The following FXYD2 variants were observed in gnomAD, a reference collection of about 807,000 sequenced individuals.
FXYD2 encodes FXYD domain containing ion transport regulator 2.
Under a neutral mutation model 11.8 loss-of-function variants are expected in FXYD2, and 8 were observed. The observed-to-expected ratio is 0.68, with a 90% CI of 0.40 to 1.22. FXYD2 has a LOEUF of 1.22. FXYD2 is among the 50% of genes most tolerant of loss of function. The pLI is 0.01. For synonymous variants in FXYD2, 42 were observed against 33.3 expected (o/e 1.26, Z -0.90); for missense variants, 92 against 91.8 (o/e 1.00, Z -0.01).
upstream of FXYD2, among the ~76,000 whole-genome samples, chr11:117,825,939 C>G (rs1433772691): frequency 6.6e-6 from 1 of 152,164 alleles, no homozygotes; most frequent in Non-Finnish European, 1.5e-5. Flanking sequence ...CACTTGAGTT[C>G]ACACCCTGGC....
rs869789 is a variant in FXYD2, at chr11:117,820,671, G to C, written c.*1C>G. 5 of 1,613,798 alleles carry C rather than the reference G, an allele frequency of 3.1e-6. No homozygotes were observed. Among genetic ancestry groups the C allele is most frequent in the Non-Finnish European group, 4.2e-6 (5 of 1,179,950 alleles). On this transcript the variant is annotated 3_prime_UTR_variant, in exon 5 of 6. Coordinates refer to ENST00000292079, the MANE Select transcript of FXYD2 (RefSeq NM_001680.5). ...CCCAGGCCCTCCTAGCATACCTGCT[G>C]TTACGGCTCATCTTCATTGATTTGC... is the stretch of plus-strand genomic sequence containing the variant.
chr11:117,827,572 C>T (rs983933328), upstream of FXYD2, among the ~76,000 whole-genome samples: 3 of 152,186 alleles, frequency 2.0e-5, no homozygotes, highest in African/African-American at 7.2e-5. Flanking sequence ...TTAGTCATCA[C>T]AATGAGTTTT....
upstream of FXYD2, among the ~76,000 whole-genome samples, chr11:117,826,457 G>C (rs542019954): frequency 2.0e-5 from 3 of 152,300 alleles, 1 homozygote; most frequent in African/African-American, 7.2e-5. Flanking sequence ...CTGCTCATTT[G>C]CTTTCCACAA....
At chr11:117,820,785 A>G in intron 4 of FXYD2, 74 bp downstream of exon 4, 1 of 1,613,624 alleles carries the variant, frequency 6.2e-7, no homozygotes, top group East Asian at 2.2e-5. Flanking sequence ...CCACTGTGTC[A>G]GAGACAAAAT....
upstream of FXYD2, among the ~76,000 whole-genome samples, chr11:117,826,037 C>G (rs774703911): frequency 6.6e-6 from 1 of 152,178 alleles, no homozygotes; most frequent in Non-Finnish European, 1.5e-5. Flanking sequence ...GCGCAGTACC[C>G]AGCTCCTAGG....
At position 117,822,927 on chromosome 11, in the gene FXYD2, C is replaced by T. The variant is rs1006445179; in HGVS notation, c.26-210G>A. On this transcript the variant is annotated intron_variant, in intron 1 of 5. Coordinates refer to ENST00000292079, the MANE Select transcript of FXYD2 (RefSeq NM_001680.5). The surrounding 1 kb of genome is among the most constrained non-coding windows in gnomAD (Gnocchi z 4.7). ...ACACGCTCAACTGGGGACCAAATAC[C>T]GAGTGTCCGAGGGGGATCCGTGCTG... 3.9e-5 allele frequency among the ~76,000 whole-genome samples: 6 copies of T among 152,092 alleles called. No homozygotes were observed. The highest frequency in any genetic ancestry group is 1.2e-4 in the African/African-American group (5 of 41,424).
upstream of FXYD2, chr11:117,828,082 TG>T (rs1370939684): frequency 6.5e-7 from 1 of 1,548,954 alleles, no homozygotes; most frequent in Non-Finnish European, 8.7e-7. Context: ...GGGGCCTGGA[TG>T]GAGAGTGGCA....
upstream of FXYD2, chr11:117,824,851 GC>G (rs1163141821): frequency 1.2e-6 from 1 of 814,930 alleles, no homozygotes; most frequent in Non-Finnish European, 2.0e-6. This position sits in a 1 kb window ranked among gnomAD's most constrained non-coding sequence, Gnocchi z 4.0. Flanking sequence ...GGATGGAGGG[GC>G]TCCTTCTGCA....
chr11:117,820,693 T>C lies in FXYD2; in HGVS notation c.180A>G (p.Gln60=). Residue 60 remains glutamine (Q), a synonymous_variant, in exon 5 of 6, where the codon CAA becomes CAG. Transcript: ENST00000292079. ...FRCGGNKKRR[Q]INEDEP is the part of the protein sequence containing the mutation. ...GCTGTTACGGCTCATCTTCATTGAT[T>C]TGCCTGGTGGGGGAAGGAAAAGCAA... 6.2e-7 allele frequency: 1 copy of C among 1,614,048 alleles called. No homozygotes were observed. The highest frequency in any genetic ancestry group is 1.1e-5 in the South Asian group (1 of 91,080).
chr11:117,824,449 C>G lies in FXYD2; in HGVS notation c.25+205G>C. 1.6e-6 allele frequency: 1 copy of G among 637,214 alleles called. No individual in the cohort carries two copies. Among genetic ancestry groups the G allele is most frequent in the Non-Finnish European group, 2.8e-6 (1 of 351,268 alleles). The allele number at this position is 637,214 out of a possible 1,614,324, so 39.5% of individuals were successfully genotyped here. A position where few individuals can be genotyped will look rare whatever the true frequency, so the allele number is the denominator to read the frequency against. ...ATCTGCTGCCTTTCTGCCACTCAAGCTATCTTTCTTTGGGGTTAAAGCAGG... is the reference window on the plus strand; with the variant it reads ...ATCTGCTGCCTTTCTGCCACTCAAGGTATCTTTCTTTGGGGTTAAAGCAGG... On this transcript the variant is annotated intron_variant, in intron 1 of 5. Coordinates refer to ENST00000292079, the MANE Select transcript of FXYD2 (RefSeq NM_001680.5). This position sits in a 1 kb window ranked among gnomAD's most constrained non-coding sequence, Gnocchi z 4.0.
chr11:117,823,893 G>C (rs924522355), intron 1 of FXYD2, among the ~76,000 whole-genome samples: 8 of 152,366 alleles, frequency 5.3e-5, no homozygotes, highest in African/African-American at 1.9e-4. Context: ...TGCCCATCCT[G>C]ACGGGCCTGA....
rs377266813 is a variant in FXYD2, at chr11:117,822,755, G to A, written c.26-38C>T. 4.0e-5 allele frequency: 64 copies of A among 1,598,796 alleles called. No homozygotes were observed. Among genetic ancestry groups the A allele is most frequent in the Middle Eastern group, 3.4e-4 (2 of 5,928 alleles). The stretch of plus-strand genomic sequence containing the variant: ...CAGAGGTGGGATGAGAGGAGTCACC[G>A]ATGGTGAGCCAGCCACAGGAACAGC... On this transcript the variant is annotated intron_variant, in intron 1 of 5. Coordinates refer to ENST00000292079, the MANE Select transcript of FXYD2 (RefSeq NM_001680.5). The surrounding 1 kb of genome is among the most constrained non-coding windows in gnomAD (Gnocchi z 4.7).
Position 117,822,154 on chromosome 11 carries a change from C to A in FXYD2, c.139+252G>T. Reference sequence around the variant, plus strand: ...TGGCCCTCCGGTTACCCAGTTACCCCGTGGGTTTGCTCTCACTTCTGCGGC... The same window carrying A: ...TGGCCCTCCGGTTACCCAGTTACCCAGTGGGTTTGCTCTCACTTCTGCGGC... On this transcript the variant is annotated intron_variant, in intron 3 of 5. Coordinates refer to ENST00000292079, the MANE Select transcript of FXYD2 (RefSeq NM_001680.5). This position sits in a 1 kb window ranked among gnomAD's most constrained non-coding sequence, Gnocchi z 4.7. The A allele has an allele frequency of 7.1e-7, 1 of 1,408,676 alleles. No homozygotes were observed. Among genetic ancestry groups the A allele is most frequent in the African/African-American group, 1.4e-5 (1 of 69,414 alleles). 87.3% of individuals were successfully genotyped at this position (1,408,676 alleles called of 1,614,324 possible).
Position 117,822,153 on chromosome 11 carries a change from C to G in FXYD2, c.139+253G>C. 1 of 1,408,240 alleles carries G rather than the reference C, an allele frequency of 7.1e-7. No homozygotes were observed. Among genetic ancestry groups the G allele is most frequent in the South Asian group, 1.5e-5 (1 of 67,128 alleles). The allele number at this position is 1,408,240 out of a possible 1,614,324, so 87.2% of individuals were successfully genotyped here. The stretch of plus-strand genomic sequence containing the variant: ...CTGGCCCTCCGGTTACCCAGTTACC[C>G]CGTGGGTTTGCTCTCACTTCTGCGG... On this transcript the variant is annotated intron_variant, in intron 3 of 5. Transcript: ENST00000292079. This position sits in a 1 kb window ranked among gnomAD's most constrained non-coding sequence, Gnocchi z 4.7.
At position 117,824,583 on chromosome 11, in the gene FXYD2, C is replaced by A; in HGVS notation, c.25+71G>T. The A allele has an allele frequency of 7.9e-7, 1 of 1,265,294 alleles. No individual in the cohort carries two copies. Among genetic ancestry groups the A allele is most frequent in the Non-Finnish European group, 1.2e-6 (1 of 863,660 alleles). The allele number at this position is 1,265,294 out of a possible 1,614,324, so 78.4% of individuals were successfully genotyped here. On this transcript the variant is annotated intron_variant, in intron 1 of 5. Coordinates refer to ENST00000292079, the MANE Select transcript of FXYD2 (RefSeq NM_001680.5). This position sits in a 1 kb window ranked among gnomAD's most constrained non-coding sequence, Gnocchi z 4.0. ...AGAGGGAAGAGTAGGGTCCAGCTGACCCCACAAAGGCAGGCCAATCAGAGC... is the reference window on the plus strand; with the variant it reads ...AGAGGGAAGAGTAGGGTCCAGCTGAACCCACAAAGGCAGGCCAATCAGAGC...
rs765970105 is a variant in FXYD2, at chr11:117,822,428, G to A, written c.117C>T (p.Ile39=). ...TACTGAGGAGGATGAGGAGCCCCACGATGAAGGCCAGTCCAGCGAAGATCA... is the reference window on the plus strand; with the variant it reads ...TACTGAGGAGGATGAGGAGCCCCACAATGAAGGCCAGTCCAGCGAAGATCA... ...GGLIFAGLAF[I]VGLLILLSRR... is the part of the protein sequence containing the mutation. Residue 39 remains isoleucine (I), a synonymous_variant, in exon 3 of 6, where the codon ATC becomes ATT. Coordinates refer to ENST00000292079, the MANE Select transcript of FXYD2 (RefSeq NM_001680.5). This position sits in a 1 kb window ranked among gnomAD's most constrained non-coding sequence, Gnocchi z 4.7. 8.3e-6 allele frequency: 13 copies of A among 1,561,340 alleles called. No individual in the cohort carries two copies. Among genetic ancestry groups the A allele is most frequent in the Admixed American group, 3.9e-5 (2 of 51,784 alleles).
chr11:117,822,531 C>G lies in FXYD2; in HGVS notation c.65-51G>C, dbSNP rs539934650. The G allele has an allele frequency of 3.2e-6, 5 of 1,555,902 alleles. No individual in the cohort carries two copies. In the South Asian group the frequency reaches 5.9e-5, roughly 18 times the overall value. On this transcript the variant is annotated intron_variant, in intron 2 of 5. Transcript: ENST00000292079. The surrounding 1 kb of genome is among the most constrained non-coding windows in gnomAD (Gnocchi z 4.7). ...CGGGATGGGTGGTCTCTCCCAGCAG[C>G]TGTCTCTCTCCGCAGCCTGCCCGCA...
intron 3 of FXYD2, chr11:117,821,858 G>A: frequency 2.0e-6 from 2 of 999,664 alleles, no homozygotes; most frequent in Non-Finnish European, 1.2e-6. Flanking sequence ...CATGGGTTGT[G>A]TTTTCTGTGT....
chr11:117,824,870 G>A, upstream of FXYD2: 1 of 720,028 alleles, frequency 1.4e-6, no homozygotes, highest in East Asian at 2.7e-5. The surrounding 1 kb of genome is among the most constrained non-coding windows in gnomAD (Gnocchi z 4.0). Context: ...GCAGGGTGAG[G>A]ACGTGCGTGG....
Sources: gnomAD v4.1 joint callset for allele counts (sites outside exome capture counted in the v4.1 genomes callset) on GRCh38, gnomAD v4.1.1 for gene constraint, Gnocchi (gnomAD v3.1) non-coding constraint, MANE v1.5 for transcripts, NCBI Gene and HGNC (gene_info 2026-07-23, HGNC 2026-07-21) for gene names.